Variants in ANKS6 observed in about 807,000 individuals in gnomAD.
The protein encoded by ANKS6 is ankyrin repeat and sterile alpha motif domain containing 6.
ANKS6 carries 47 observed loss-of-function variants against 77.9 expected under a neutral mutation model. The ratio of observed to expected loss-of-function variants is 0.60; its 90% CI spans 0.48 to 0.77. ANKS6 has a LOEUF of 0.77. ANKS6 is among the 30% of genes least tolerant of loss of function. The pLI is 0.00. For synonymous variants in ANKS6, 488 were observed against 501.7 expected (o/e 0.97, Z 0.37); for missense variants, 1,150 against 1,159.1 (o/e 0.99, Z 0.11).
intron 5 of ANKS6, 25 bp from the exon 6 acceptor site, chr9:98,780,362 T>C (rs1834174574): frequency 1.2e-5 from 18 of 1,557,600 alleles, no homozygotes; most frequent in African/African-American, 1.3e-5. Flanking sequence ...GGCATCATTT[T>C]ACCTGCAAAT....
At chr9:98,737,329 A>G (rs930246121) in intron 14 of ANKS6, among the ~76,000 whole-genome samples, 6 of 152,152 alleles carry the variant, frequency 3.9e-5, no homozygotes, top group Non-Finnish European at 8.8e-5. Flanking sequence ...AGAAAACCCT[A>G]AAGACAGCTC....
chr9:98,786,618 C>T (rs1340675864), intron 2 of ANKS6, among the ~76,000 whole-genome samples: 1 of 152,150 alleles, frequency 6.6e-6, no homozygotes, highest in Non-Finnish European at 1.5e-5. Flanking sequence ...ATGGAAAGTA[C>T]GGACACTGCC....
At chr9:98,777,198 G>C (rs1021182352) in intron 8 of ANKS6, among the ~76,000 whole-genome samples, 4 of 152,198 alleles carry the variant, frequency 2.6e-5, no homozygotes, top group African/African-American at 9.7e-5. Flanking sequence ...CAGCGGGTGA[G>C]CACCAGCACA....
chr9:98,756,517 G>C lies in ANKS6; in HGVS notation c.2229C>G (p.Pro743=). The part of the protein sequence containing the change: ...TSPTLTPSPS[P]KGHTAESSVS... ...CTGAGGACTCTGCAGTGTGCCCTTT[G>C]GGTGAGGGGGAGGGCGTGAGGGTTG... The change falls in exon 12 of 15, where the codon CCC becomes CCG. Residue 743 remains proline, a synonymous_variant. Coordinates refer to ENST00000353234, the MANE Select transcript of ANKS6 (RefSeq NM_173551.5). 6.2e-7 allele frequency: 1 copy of C among 1,609,538 alleles called. No individual in the cohort carries two copies. Among genetic ancestry groups the C allele is most frequent in the Non-Finnish European group, 8.5e-7 (1 of 1,178,168 alleles).
At chr9:98,742,587 G>C (rs1159537781) in intron 14 of ANKS6, among the ~76,000 whole-genome samples, 1 of 152,206 alleles carries the variant, frequency 6.6e-6, no homozygotes, top group Non-Finnish European at 1.5e-5. Flanking sequence ...CAGGGAAGTG[G>C]TTCAGATCGG....
intron 12 of ANKS6, among the ~76,000 whole-genome samples, chr9:98,752,913 C>T (rs537396992): frequency 2.0e-5 from 3 of 152,168 alleles, no homozygotes; most frequent in African/African-American, 7.2e-5. Context: ...GGCTACTGAG[C>T]GAGGATGTAT....
intron 6 of ANKS6, among the ~76,000 whole-genome samples, chr9:98,779,369 G>A (rs532692626): frequency 5.3e-5 from 8 of 152,308 alleles, no homozygotes; most frequent in East Asian, 3.9e-4. Flanking sequence ...GGCATGATCA[G>A]CAAATATCCT....
At chr9:98,755,643 T>C (rs1193864577) in intron 12 of ANKS6, among the ~76,000 whole-genome samples, 2 of 152,218 alleles carry the variant, frequency 1.3e-5, no homozygotes, top group African/African-American at 2.4e-5. Context: ...TTTCCAAATT[T>C]TCCTTTGAGG....
At chr9:98,781,103 T>C (rs889703287) in intron 5 of ANKS6, among the ~76,000 whole-genome samples, 6 of 152,210 alleles carry the variant, frequency 3.9e-5, no homozygotes, top group Admixed American at 1.3e-4. Context: ...TTTCGTCATG[T>C]TGGCCAGGCT....
intron 14 of ANKS6, among the ~76,000 whole-genome samples, chr9:98,737,246 A>G (rs970967546): frequency 3.3e-5 from 5 of 152,204 alleles, no homozygotes; most frequent in Admixed American, 2.0e-4. Flanking sequence ...AAGAACAGAG[A>G]CTGCGTCCTA....
rs569732401 is a variant in ANKS6 at position 98,791,599 on chromosome 9, T to C, written c.360-993A>G. Among the ~76,000 whole-genome samples, 1 of 152,270 alleles carries C rather than the reference T, an allele frequency of 6.6e-6. No homozygotes were observed. The highest frequency in any genetic ancestry group is 1.9e-4 in the East Asian group (1 of 5,180). On this transcript the variant is annotated intron_variant, in intron 1 of 14. Transcript: ENST00000353234. This position sits in a 1 kb window ranked among gnomAD's most constrained non-coding sequence, Gnocchi z 4.3. ...CTCCAAGCTGGAAGCGGCCCTGGAC[T>C]AACAAGAAAACAATGACAAGACAGG...
chr9:98,747,595 C>G (rs1022821003), intron 13 of ANKS6, among the ~76,000 whole-genome samples: 2 of 152,108 alleles, frequency 1.3e-5, no homozygotes, highest in South Asian at 2.1e-4. Context: ...ACCTGCCCCC[C>G]GCCCTGCTGG....
At chr9:98,762,615 G>C (rs1833076342) in intron 11 of ANKS6, among the ~76,000 whole-genome samples, 1 of 152,196 alleles carries the variant, frequency 6.6e-6, no homozygotes, top group South Asian at 2.1e-4. Flanking sequence ...ATGATGAATG[G>C]ATTTTAAATT....
intron 1 of ANKS6, among the ~76,000 whole-genome samples, chr9:98,795,029 G>C (rs1158087909): frequency 6.6e-6 from 1 of 152,138 alleles, no homozygotes; most frequent in South Asian, 2.1e-4. Flanking sequence ...CTGCTGCGGA[G>C]GGACCAGAGA....
At chr9:98,750,504 C>T (rs1832368651) in intron 13 of ANKS6, among the ~76,000 whole-genome samples, 1 of 152,202 alleles carries the variant, frequency 6.6e-6, no homozygotes, top group African/African-American at 2.4e-5. Flanking sequence ...TCTGTGTGGA[C>T]ACATGTCTTC....
intron 6 of ANKS6, among the ~76,000 whole-genome samples, chr9:98,779,287 A>G (rs1834093991): frequency 6.6e-6 from 1 of 152,224 alleles, no homozygotes; most frequent in African/African-American, 2.4e-5. Flanking sequence ...AGTTACAAGC[A>G]GCCACCAGAG....
intron 13 of ANKS6, among the ~76,000 whole-genome samples, chr9:98,748,012 T>G (rs1445494029): frequency 6.6e-6 from 1 of 152,196 alleles, no homozygotes; most frequent in Non-Finnish European, 1.5e-5. Flanking sequence ...TCCCCCTCTT[T>G]CTCCAAAGTT....
rs1169892456 is a variant in ANKS6, at chr9:98,795,920, G to A, written c.359+213C>T. 1.1e-5 allele frequency: 5 copies of A among 461,518 alleles called. No homozygotes were observed. The East Asian group carries it at 1.9e-4, about 17-fold the overall frequency. 28.6% of individuals were successfully genotyped at this position (461,518 alleles called of 1,614,324 possible). A position where few individuals can be genotyped will look rare whatever the true frequency, so the allele number is the denominator to read the frequency against. Reference sequence around the variant, plus strand: ...GCTGTCTCCAGATTCTATTCTGAAAGGCCAAAATTTCTAAGAATCTGATTT... The same window carrying A: ...GCTGTCTCCAGATTCTATTCTGAAAAGCCAAAATTTCTAAGAATCTGATTT... On this transcript the variant is annotated intron_variant, in intron 1 of 14. Coordinates refer to ENST00000353234, the MANE Select transcript of ANKS6 (RefSeq NM_173551.5).
chr9:98,780,924 C>CAA (rs1834214906), intron 5 of ANKS6, among the ~76,000 whole-genome samples: 1 of 143,176 alleles, frequency 7.0e-6, no homozygotes, highest in African/African-American at 2.6e-5. Context: ...TTTTTGGAGA[C>CAA]AGAGTCTTGC....
Sources: gnomAD v4.1 joint callset for allele counts (sites outside exome capture counted in the v4.1 genomes callset) on GRCh38, gnomAD v4.1.1 for gene constraint, Gnocchi (gnomAD v3.1) non-coding constraint, MANE v1.5 for transcripts, NCBI Gene and HGNC (gene_info 2026-07-23, HGNC 2026-07-21) for gene names.